Variants in UBR1 observed in about 807,000 individuals in gnomAD.
The protein encoded by UBR1 is E3 ubiquitin-protein ligase UBR1.
Under a neutral mutation model 242.1 loss-of-function variants are expected in UBR1, and 102 were observed. That is an observed-to-expected ratio of 0.42 (90% CI 0.36 to 0.50). UBR1 has a LOEUF of 0.50. UBR1 is among the 20% of genes least tolerant of loss of function. The pLI, the probability that UBR1 is intolerant of heterozygous loss-of-function variation, is 0.01. For missense variants in UBR1, 1,772 were observed against 2,101.8 expected, an observed-to-expected ratio of 0.84 and a Z score of 3.07; for synonymous variants, 675 against 684.8, an observed-to-expected ratio of 0.99 and a Z score of 0.22.
intron 1 of UBR1, among the ~76,000 whole-genome samples, chr15:43,103,625 T>C (rs1439465630): frequency 6.6e-6 from 1 of 152,172 alleles, no homozygotes; most frequent in Admixed American, 6.5e-5. Flanking sequence ...TGTGAGATAA[T>C]GTTAGGAATA....
intron 35 of UBR1, among the ~76,000 whole-genome samples, chr15:42,987,079 G>A (rs2032474638): frequency 6.6e-6 from 1 of 152,228 alleles, no homozygotes; most frequent in Non-Finnish European, 1.5e-5. Context: ...CATGGTGCTG[G>A]GCTCGGCCCA....
intron 33 of UBR1, among the ~76,000 whole-genome samples, chr15:42,996,145 C>CT (rs143699768): frequency 0.046 from 7,049 of 152,326 alleles, 214 homozygotes; most frequent in Non-Finnish European, 0.068. Flanking sequence ...TCCCTTACTA[C>CT]TTCAGCCCCT....
intron 3 of UBR1, among the ~76,000 whole-genome samples, chr15:43,079,989 C>T (rs1198359981): frequency 1.3e-5 from 2 of 152,132 alleles, no homozygotes; most frequent in East Asian, 3.8e-4. Context: ...TTGAACATGT[C>T]AGGACTCAGG....
intron 44 of UBR1, among the ~76,000 whole-genome samples, chr15:42,954,173 C>T (rs1056707547): frequency 6.6e-6 from 1 of 152,154 alleles, no homozygotes; most frequent in African/African-American, 2.4e-5. Flanking sequence ...ACATGAGCCA[C>T]TGTACTCAGC....
chr15:43,036,496 A>G, intron 18 of UBR1, 32 bp downstream of exon 18: 1 of 1,481,248 alleles, frequency 6.8e-7, no homozygotes, highest in South Asian at 1.1e-5. Flanking sequence ...GAAGATGAAG[A>G]CACAAATATC....
In UBR1 at chr15:43,036,173, T is replaced by A; in HGVS notation, c.2190+5A>T. The A allele has an allele frequency of 6.3e-7, 1 of 1,596,362 alleles. No homozygotes were observed. The highest frequency in any genetic ancestry group is 8.6e-7 in the Non-Finnish European group (1 of 1,164,076). On this transcript the variant is annotated splice_donor_5th_base_variant and intron_variant, in intron 19 of 46. Coordinates refer to ENST00000290650, the MANE Select transcript of UBR1 (RefSeq NM_174916.3). ...ATTAATTCACATAATTTACAGGTTG[T>A]ATACCTGGTCTTTTGTAGATATGGT... is the stretch of plus-strand genomic sequence containing the variant.
At chr15:42,985,737 C>G (rs1473556649) in intron 35 of UBR1, among the ~76,000 whole-genome samples, 1 of 151,616 alleles carries the variant, frequency 6.6e-6, no homozygotes, top group Non-Finnish European at 1.5e-5. Flanking sequence ...GCCTGTAATC[C>G]CTGGACTTTG....
chr15:43,047,365 T>C (rs2033499112), intron 13 of UBR1, 76 bp from the exon 14 acceptor site: 5 of 1,600,456 alleles, frequency 3.1e-6, no homozygotes, highest in East Asian at 2.2e-5. Context: ...AATATAAAAC[T>C]GTCAGGATTC....
chr15:43,102,099 C>A (rs563617254), intron 1 of UBR1, among the ~76,000 whole-genome samples: 4 of 152,042 alleles, frequency 2.6e-5, no homozygotes, highest in African/African-American at 9.6e-5. Context: ...GAGATCATAC[C>A]GCTGGAAACA....
At chr15:42,948,100 G>C (rs2031767462) in intron 46 of UBR1, among the ~76,000 whole-genome samples, 2 of 152,126 alleles carry the variant, frequency 1.3e-5, no homozygotes, top group South Asian at 4.1e-4. Flanking sequence ...TAGATCAATG[G>C]AACAGAACAG....
chr15:43,039,357 G>A (rs1488198096), intron 15 of UBR1, among the ~76,000 whole-genome samples: 1 of 152,164 alleles, frequency 6.6e-6, no homozygotes, highest in Admixed American at 6.5e-5. Context: ...ATTTCGTTGA[G>A]CAATGGTTTG....
At chr15:43,000,759 C>T (rs1005464318) in intron 32 of UBR1, among the ~76,000 whole-genome samples, 3 of 152,086 alleles carry the variant, frequency 2.0e-5, no homozygotes, top group Non-Finnish European at 2.9e-5. Flanking sequence ...CTCATGTTAC[C>T]ACATACGTTG....
rs765974639 is a variant in UBR1 at position 42,988,856 on chromosome 15, C to T, written c.3960G>A (p.Leu1320=). 1.9e-6 allele frequency: 3 copies of T among 1,614,090 alleles called. No homozygotes were observed. In the African/African-American group the frequency reaches 4.0e-5, roughly 22 times the overall value. The change falls in exon 35 of 47, where the codon CTG becomes CTA. Residue 1320 remains leucine, a synonymous_variant. Transcript: ENST00000290650. ...TAGTGAAAGCGCAGGTGCTCCAGGT[C>T]AGCATGGGGACTCGAGGATCCCTTT... is the stretch of plus-strand genomic sequence containing the variant. ...PDERDPRVPM[L]TWSTCAFTIQ...
intron 15 of UBR1, among the ~76,000 whole-genome samples, chr15:43,039,047 C>T (rs1465935838): frequency 2.0e-5 from 3 of 149,284 alleles, no homozygotes; most frequent in South Asian, 2.1e-4. Flanking sequence ...TAAAAAGGTA[C>T]TTTTTACAAA....
At chr15:43,003,742 G>C in intron 31 of UBR1, 95 bp downstream of exon 31, 1 of 1,093,362 alleles carries the variant, frequency 9.1e-7, no homozygotes. Context: ...TAAGAAGAAA[G>C]GAAAGAAGAC....
At chr15:43,032,526 G>T in intron 20 of UBR1, 42 bp downstream of exon 20, 1 of 1,365,466 alleles carries the variant, frequency 7.3e-7, no homozygotes. Context: ...TCTCTAAAAA[G>T]TAACCCATGT....
intron 12 of UBR1, among the ~76,000 whole-genome samples, chr15:43,049,514 G>A (rs2141328461): frequency 6.6e-6 from 1 of 152,302 alleles, no homozygotes; most frequent in East Asian, 1.9e-4. Flanking sequence ...AGTGAGCCGA[G>A]ATCGCAACAC....
chr15:43,073,288 C>T (rs374245742), intron 4 of UBR1, among the ~76,000 whole-genome samples: 5 of 152,232 alleles, frequency 3.3e-5, no homozygotes, highest in African/African-American at 1.2e-4. Context: ...TCAGTTTTTT[C>T]CCCTTATGAC....
chr15:43,047,965 C>T (rs61077193), intron 13 of UBR1, among the ~76,000 whole-genome samples: 488 of 152,130 alleles, frequency 3.2e-3, no homozygotes, highest in African/African-American at 0.011. Context: ...AATCCCAGCA[C>T]CTTGGGAGGT....
Sources: gnomAD v4.1 joint callset for allele counts (sites outside exome capture counted in the v4.1 genomes callset) on GRCh38, gnomAD v4.1.1 for gene constraint, MANE v1.5 for transcripts, NCBI Gene and HGNC (gene_info 2026-07-23, HGNC 2026-07-21) for gene names.